NRP1: variants seen among roughly 807,000 people sequenced by gnomAD.
NRP1 encodes neuropilin-1.
In NRP1, 35 loss-of-function variants were observed where a neutral mutation model predicts 106.7. The ratio of observed to expected loss-of-function variants is 0.33; its 90% CI spans 0.25 to 0.43. The LOEUF (loss-of-function observed/expected upper bound fraction) is 0.43, where lower values mean the gene tolerates loss of function less well. Ranked by LOEUF, NRP1 falls within the 20% of genes least tolerant of loss-of-function variation. NRP1 has a pLI of 1.00. For missense variants in NRP1, 1,024 were observed against 1,170.4 expected (o/e 0.87, Z 1.83); for synonymous variants, 437 against 417.9 (o/e 1.05, Z -0.56).
rs181370705 is a variant in NRP1 at position 33,241,178 on chromosome 10, A to G, written c.981+12850T>C. On this transcript the variant is annotated intron_variant, in intron 6 of 16. Transcript: ENST00000374867. ...GAAACGCCATGTGTGGAGGTAGAAA[A>G]TGAAAATGAGGAAGGAAAAAATGTT... Among the ~76,000 whole-genome samples, 221 of 152,310 alleles carry G rather than the reference A, an allele frequency of 1.5e-3. 1 individual carries two copies. Among genetic ancestry groups the G allele is most frequent in the African/African-American group, 5.2e-3 (217 of 41,576 alleles).
At chr10:33,186,598 C>T in intron 13 of NRP1, 110 bp from the exon 14 acceptor site, 3 of 1,279,866 alleles carry the variant, frequency 2.3e-6, no homozygotes, top group Non-Finnish European at 3.2e-6. Flanking sequence ...GCACCAAGAA[C>T]CCAAATACGT....
At chr10:33,214,448 G>A (rs756605773) in intron 8 of NRP1, among the ~76,000 whole-genome samples, 3 of 152,006 alleles carry the variant, frequency 2.0e-5, no homozygotes, top group Admixed American at 6.6e-5. Context: ...CGTCATTTCC[G>A]TTTTGCTGCC....
At chr10:33,275,097 T>C (rs1843589651) in intron 2 of NRP1, among the ~76,000 whole-genome samples, 1 of 152,172 alleles carries the variant, frequency 6.6e-6, no homozygotes, top group African/African-American at 2.4e-5. Context: ...TTAGTCTGCA[T>C]CTATGTTTCT....
chr10:33,232,770 G>A (rs905193485), intron 6 of NRP1, among the ~76,000 whole-genome samples: 2 of 149,674 alleles, frequency 1.3e-5, no homozygotes, highest in Non-Finnish European at 3.0e-5. Context: ...AGCCTTCAGA[G>A]TAGTTGGGAT....
At chr10:33,199,387 ATATTTTTTTTTTTTT>A (rs1312168165) in intron 11 of NRP1, among the ~76,000 whole-genome samples, 80 of 55,770 alleles carry the variant, frequency 1.4e-3, no homozygotes, top group African/African-American at 5.7e-3. Flanking sequence ...ATATATATAT[ATATTTTTTTTTTTTT>A]TTTTTTTTTT....
intron 2 of NRP1, among the ~76,000 whole-genome samples, chr10:33,321,885 A>G (rs1467405439): frequency 6.6e-6 from 1 of 152,172 alleles, no homozygotes; most frequent in African/African-American, 2.4e-5. Context: ...GCAGGCCATC[A>G]CCTCCAACCT....
chr10:33,260,308 T>A (rs988057028), intron 4 of NRP1, among the ~76,000 whole-genome samples: 9 of 152,234 alleles, frequency 5.9e-5, no homozygotes, highest in African/African-American at 1.9e-4. Context: ...AAATACATTT[T>A]GTAGCTTTTC....
chr10:33,209,412 G>A (rs1442843037), intron 9 of NRP1, among the ~76,000 whole-genome samples: 3 of 152,174 alleles, frequency 2.0e-5, no homozygotes, highest in Non-Finnish European at 2.9e-5. Flanking sequence ...GCCTTAACTG[G>A]CGCCCTTAAC....
chr10:33,278,359 T>C (rs191515784), intron 2 of NRP1, among the ~76,000 whole-genome samples: 5 of 152,086 alleles, frequency 3.3e-5, no homozygotes. Context: ...ATTTCAGGGA[T>C]TATCTCCTGG....
Position 33,186,231 on chromosome 10 carries a change from G to C in NRP1, c.2320C>G (p.Leu774Val). 1 of 1,603,592 alleles carries C rather than the reference G, an allele frequency of 6.2e-7. No homozygotes were observed. Among genetic ancestry groups the C allele is most frequent in the Non-Finnish European group, 8.5e-7 (1 of 1,173,158 alleles). ...AGAGGTCATACCTGATAAAGTTTCA[G>C]AGACTTGTGGAGCAAGACACGCCCT... Reference protein sequence around the residue: ...KEGRVLLHKSLKLYQVIFEGE... With the variant: ...KEGRVLLHKSVKLYQVIFEGE... The change falls in exon 14 of 17, where the codon CTG (leucine) becomes GTG (valine). Residue 774 changes from leucine (L) to valine (V), a missense_variant. Coordinates refer to ENST00000374867, the MANE Select transcript of NRP1 (RefSeq NM_003873.7).
chr10:33,310,104 C>A (rs540664160), intron 2 of NRP1, among the ~76,000 whole-genome samples: 24 of 151,908 alleles, frequency 1.6e-4, no homozygotes, highest in Admixed American at 2.6e-4. Flanking sequence ...CCCGCCACCA[C>A]GCCCGGCTAA....
intron 6 of NRP1, among the ~76,000 whole-genome samples, chr10:33,235,654 T>A (rs143051201): frequency 3.9e-5 from 6 of 152,320 alleles, no homozygotes; most frequent in Non-Finnish European, 8.8e-5. Context: ...TACATTCCTC[T>A]CTTACTTGAT....
At position 33,297,602 on chromosome 10, in the gene NRP1, G is replaced by C. The variant is rs193282904; in HGVS notation, c.249-26746C>G. Among the ~76,000 whole-genome samples, 8 of 150,206 alleles carry C rather than the reference G, an allele frequency of 5.3e-5. No individual in the cohort carries two copies. In the East Asian group the frequency reaches 1.6e-3, roughly 30 times the overall value. On this transcript the variant is annotated intron_variant, in intron 2 of 16. Coordinates refer to ENST00000374867, the MANE Select transcript of NRP1 (RefSeq NM_003873.7). The stretch of plus-strand genomic sequence containing the variant: ...CTTGGAAGGCTGAGGCAGGAGAATT[G>C]CTTGAACCCAGGAGGCAGAGGTTGC...
At position 33,188,933 on chromosome 10, in the gene NRP1, A is replaced by ATG. The variant is rs1287770653; in HGVS notation, c.2063-2446_2063-2445insCA. On this transcript the variant is annotated intron_variant, in intron 13 of 16. Transcript: ENST00000374867. ...TAAATATATATATATATATATATAT[A>ATG]TATAAATTAAAACTGCTCGTGTTGC... Among the ~76,000 whole-genome samples, 175 of 144,540 alleles carry ATG rather than the reference A, an allele frequency of 1.2e-3. 8 individuals are homozygous for ATG. In the East Asian group the frequency reaches 0.027, roughly 22 times the overall value. 94.8% of individuals were successfully genotyped at this position (144,540 alleles called of 152,430 possible). A position where few individuals can be genotyped will look rare whatever the true frequency, so the allele number is the denominator to read the frequency against.
At chr10:33,275,922 C>T (rs960450606) in intron 2 of NRP1, among the ~76,000 whole-genome samples, 1 of 151,654 alleles carries the variant, frequency 6.6e-6, no homozygotes, top group Non-Finnish European at 1.5e-5. Context: ...AAATTAAAAA[C>T]AAAACAAAAC....
At chr10:33,295,865 G>T (rs1456395533) in intron 2 of NRP1, among the ~76,000 whole-genome samples, 1 of 152,196 alleles carries the variant, frequency 6.6e-6, no homozygotes, top group African/African-American at 2.4e-5. Context: ...TGCCTATTAT[G>T]CTAAAACTCA....
At chr10:33,284,129 C>T (rs1844342063) in intron 2 of NRP1, among the ~76,000 whole-genome samples, 1 of 152,200 alleles carries the variant, frequency 6.6e-6, no homozygotes, top group South Asian at 2.1e-4. Context: ...ACTTAAGTCT[C>T]AGCTGTGACA....
Position 33,330,713 on chromosome 10 carries a change from G to T in NRP1, c.243C>A (p.Asp81Glu). 1 of 1,611,388 alleles carries T rather than the reference G, an allele frequency of 6.2e-7. No individual in the cohort carries two copies. Reference protein sequence around the residue: ...FNPHFDLEDRDCKYDYVEVFD... With the variant: ...FNPHFDLEDRECKYDYVEVFD... Reference sequence around the variant, plus strand: ...TCAAAAACATTCCCACTTACTTGCAGTCTCTGTCCTCCAAATCGAAGTGAG... The same window carrying T: ...TCAAAAACATTCCCACTTACTTGCATTCTCTGTCCTCCAAATCGAAGTGAG... Residue 81 changes from aspartate to glutamate, a missense_variant, in exon 2 of 17, where the codon GAC (aspartate) becomes GAA (glutamate). Physicochemically the swap from Asp to Glu is conservative, Grantham distance 45. Coordinates refer to ENST00000374867, the MANE Select transcript of NRP1 (RefSeq NM_003873.7).
At chr10:33,307,619 T>C (rs1846262779) in intron 2 of NRP1, among the ~76,000 whole-genome samples, 2 of 152,190 alleles carry the variant, frequency 1.3e-5, no homozygotes. Context: ...GTTTTATTCT[T>C]TAGTTCAGCA....
Sources: gnomAD v4.1 joint callset for allele counts (sites outside exome capture counted in the v4.1 genomes callset) on GRCh38, gnomAD v4.1.1 for gene constraint, MANE v1.5 for transcripts, NCBI Gene and HGNC (gene_info 2026-07-23, HGNC 2026-07-21) for gene names.